STK33: variants seen among roughly 807,000 people sequenced by gnomAD.
The protein encoded by STK33 is serine/threonine kinase 33, also known as serine/threonine-protein kinase 33.
Under a neutral mutation model 58.0 loss-of-function variants are expected in STK33, and 52 were observed. The ratio of observed to expected loss-of-function variants is 0.90; its 90% CI spans 0.72 to 1.13. The LOEUF is 1.13. STK33 is among the 50% of genes most tolerant of loss of function. The probability of loss-of-function intolerance (pLI) is 0.00; values close to 1 mark genes in which losing one functional copy is unlikely to be tolerated. For missense variants in STK33, 630 were observed against 604.2 expected, an observed-to-expected ratio of 1.04 and a Z score of -0.45; for synonymous variants, 215 against 200.1, an observed-to-expected ratio of 1.07 and a Z score of -0.63.
intron 1 of STK33, among the ~76,000 whole-genome samples, chr11:8,493,856 A>G (rs374889715): frequency 2.0e-5 from 3 of 152,200 alleles, no homozygotes; most frequent in Non-Finnish European, 4.4e-5. Context: ...CCACATGACT[A>G]TCTTAATAGA....
chr11:8,337,655 GC>G, the STK33 span, among the ~76,000 whole-genome samples: 22 of 140,018 alleles, frequency 1.6e-4, no homozygotes, highest in Non-Finnish European at 7.8e-5. Context: ...CGGGGGGGGG[GC>G]CCTGCCCTCA....
chr11:8,427,687 C>T (rs1942941735), intron 14 of STK33, among the ~76,000 whole-genome samples: 1 of 152,102 alleles, frequency 6.6e-6, no homozygotes, highest in Admixed American at 6.5e-5. Context: ...ACAATCTGAT[C>T]ATCTAGTTTT....
intron 1 of STK33, among the ~76,000 whole-genome samples, chr11:8,550,611 A>G (rs892296256): frequency 6.6e-6 from 1 of 152,236 alleles, no homozygotes; most frequent in East Asian, 1.9e-4. Flanking sequence ...TCAAGTTCAA[A>G]GTTCCACAAA....
chr11:8,435,117 A>G (rs1943907410), intron 14 of STK33, among the ~76,000 whole-genome samples: 1 of 152,088 alleles, frequency 6.6e-6, no homozygotes, highest in Non-Finnish European at 1.5e-5. Context: ...GTCCCCAAAG[A>G]TTTTCTACAC....
chr11:8,523,171 G>C (rs1953653244), intron 1 of STK33, among the ~76,000 whole-genome samples: 1 of 152,318 alleles, frequency 6.6e-6, no homozygotes, highest in South Asian at 2.1e-4. Flanking sequence ...GCCTGCGATG[G>C]CCTCCCAAAG....
intron 15 of STK33, among the ~76,000 whole-genome samples, chr11:8,399,095 C>T (rs1849905564): frequency 1.3e-5 from 2 of 152,206 alleles, no homozygotes; most frequent in Admixed American, 1.3e-4. Flanking sequence ...AGGAATTGAA[C>T]TCAGCTCTGC....
At chr11:8,512,550 T>C (rs1189085442) in intron 1 of STK33, among the ~76,000 whole-genome samples, 1 of 152,180 alleles carries the variant, frequency 6.6e-6, no homozygotes, top group Non-Finnish European at 1.5e-5. Flanking sequence ...GGCAAGAGTG[T>C]TTGTGGAGGC....
intron 1 of STK33, among the ~76,000 whole-genome samples, chr11:8,528,980 T>C (rs1352087807): frequency 1.3e-5 from 2 of 152,244 alleles, no homozygotes; most frequent in East Asian, 3.8e-4. Flanking sequence ...ATTATCCCTG[T>C]TTTTTATAAT....
the STK33 span, among the ~76,000 whole-genome samples, chr11:8,341,040 T>C: frequency 6.6e-6 from 1 of 152,310 alleles, no homozygotes; most frequent in Non-Finnish European, 1.5e-5. Context: ...GTATTTTTAG[T>C]AGAGACGGGG....
At chr11:8,407,418 T>C (rs1034114031) in intron 15 of STK33, among the ~76,000 whole-genome samples, 1 of 152,176 alleles carries the variant, frequency 6.6e-6, no homozygotes, top group Admixed American at 6.5e-5. Context: ...TTCTCTTATT[T>C]CTTCTTCAAA....
intron 11 of STK33, among the ~76,000 whole-genome samples, chr11:8,449,384 A>G (rs1945965402): frequency 6.6e-6 from 1 of 151,710 alleles, no homozygotes; most frequent in Admixed American, 6.6e-5. Context: ...GAACCAACCC[A>G]AATGTCCAAC....
At chr11:8,339,302 C>G in the STK33 span, among the ~76,000 whole-genome samples, 2 of 152,182 alleles carry the variant, frequency 1.3e-5, no homozygotes, top group African/African-American at 4.8e-5. Flanking sequence ...GACAATTATT[C>G]AAACTGAAAA....
chr11:8,434,603 T>G (rs1274262716), intron 14 of STK33, among the ~76,000 whole-genome samples: 1 of 125,096 alleles, frequency 8.0e-6, no homozygotes, highest in Non-Finnish European at 1.6e-5. Flanking sequence ...CAGTGAAGGA[T>G]TCACATGGCA....
chr11:8,387,279 G>A (rs755191277), downstream of STK33, among the ~76,000 whole-genome samples: 3 of 152,106 alleles, frequency 2.0e-5, no homozygotes, highest in Non-Finnish European at 2.9e-5. Context: ...CAAACTTCAC[G>A]GTAGCTTAGG....
intron 10 of STK33, among the ~76,000 whole-genome samples, chr11:8,454,537 T>G (rs966554255): frequency 6.6e-5 from 10 of 152,214 alleles, no homozygotes; most frequent in African/African-American, 1.2e-4. Flanking sequence ...GAATATGTAC[T>G]TTAAAAACAC....
intron 6 of STK33, chr11:8,465,052 C>T (rs1452534620): frequency 3.5e-5 from 11 of 313,076 alleles, no homozygotes; most frequent in African/African-American, 1.5e-4. Flanking sequence ...CCATAAAAAT[C>T]CTAATGGTGA....
At chr11:8,414,793 G>C (rs1055563721) in intron 14 of STK33, among the ~76,000 whole-genome samples, 1 of 152,068 alleles carries the variant, frequency 6.6e-6, no homozygotes, top group Non-Finnish European at 1.5e-5. Context: ...CACTGGTTTT[G>C]CACTTGTTTG....
chr11:8,342,582 G>A, the STK33 span, among the ~76,000 whole-genome samples: 2 of 152,200 alleles, frequency 1.3e-5, no homozygotes, highest in Non-Finnish European at 2.9e-5. Flanking sequence ...ATGCCTCGGG[G>A]CTGGTGCCCC....
intron 1 of STK33, among the ~76,000 whole-genome samples, chr11:8,520,811 A>G (rs1953349731): frequency 6.6e-6 from 1 of 152,198 alleles, no homozygotes; most frequent in African/African-American, 2.4e-5. Context: ...CTCTTCAAGG[A>G]GAACTACAAA....
Sources: allele counts gnomAD v4.1 joint callset (sites outside exome capture counted in the v4.1 genomes callset), GRCh38; gene constraint gnomAD v4.1.1; transcripts MANE v1.5; gene names NCBI Gene and HGNC (gene_info 2026-07-23, HGNC 2026-07-21).